UGGT2: variants seen among roughly 807,000 people sequenced by gnomAD.
The protein encoded by UGGT2 is UDP-glucose glycoprotein glucosyltransferase 2.
UGGT2 carries 180 observed loss-of-function variants against 192.1 expected under a neutral mutation model. The observed-to-expected ratio is 0.94, with a 90% CI of 0.83 to 1.06. The LOEUF is 1.06. Among genes scored for constraint, UGGT2 ranks in the 50% least tolerant of loss-of-function variants. The pLI, the probability that UGGT2 is intolerant of heterozygous loss-of-function variation, is 0.00. For synonymous variants in UGGT2, 580 were observed against 591.0 expected (o/e 0.98, Z 0.27); for missense variants, 1,849 against 1,795.7 (o/e 1.03, Z -0.54).
chr13:95,856,189 A>G lies in UGGT2; in HGVS notation c.3977T>C (p.Val1326Ala). ...LFLDVLFPLA[V>A]DKIIFVDADQ... ...AGCATCAACAAAAATGATTTTGTCC[A>G]CTGCTAGTGGGAAAAGAACATCAAG... Residue 1326 changes from valine (V) to alanine (A), a missense_variant, in exon 34 of 39, where the codon GTG (valine) becomes GCG (alanine). Coordinates refer to ENST00000376747, the MANE Select transcript of UGGT2 (RefSeq NM_020121.4). The G allele has an allele frequency of 6.2e-7, 1 of 1,612,194 alleles. No individual in the cohort carries two copies. The highest frequency in any genetic ancestry group is 8.5e-7 in the Non-Finnish European group (1 of 1,179,486).
chr13:95,809,680 G>T, intron 38 of UGGT2: 1 of 170,222 alleles, frequency 5.9e-6, no homozygotes. Context: ...AGCACACTGA[G>T]AGAGACCCTT....
intron 13 of UGGT2, among the ~76,000 whole-genome samples, 182 bp from the exon 14 acceptor site, chr13:95,948,263 T>C (rs2049946592): frequency 7.9e-6 from 1 of 126,288 alleles, no homozygotes; most frequent in African/African-American, 2.7e-5. Flanking sequence ...ATATAAAGGA[T>C]TTCACAATTT....
Position 96,022,783 on chromosome 13 carries a change from A to G in UGGT2, c.485+257T>C, listed in dbSNP as rs1422082816. The stretch of plus-strand genomic sequence containing the variant: ...ATAGGCCAAATAAACTCAGTTTTGC[A>G]TGTTTATTTCAAAAAACAAGTTATG... On this transcript the variant is annotated intron_variant, in intron 4 of 38. Coordinates refer to ENST00000376747, the MANE Select transcript of UGGT2 (RefSeq NM_020121.4). Among the ~76,000 whole-genome samples, 3 of 151,942 alleles carry G rather than the reference A, an allele frequency of 2.0e-5. No individual in the cohort carries two copies. In the East Asian group the frequency reaches 5.8e-4, roughly 29 times the overall value.
In UGGT2 at chr13:95,854,345, G is replaced by A. The variant is rs1170310027; in HGVS notation, c.4139C>T (p.Ser1380Leu). 6.2e-7 allele frequency: 1 copy of A among 1,613,080 alleles called. No individual in the cohort carries two copies. Among genetic ancestry groups the A allele is most frequent in the Non-Finnish European group, 8.5e-7 (1 of 1,179,612 alleles). The part of the protein sequence containing the change: ...YRFWKTGYWA[S>L]HLLRRKYHIS... ...ATGGTATTTCCGTCTTAAAAGATGT[G>A]ATGCCCAGTATCCTGTTTTCCAGAA... The change falls in exon 35 of 39, where the codon TCA becomes TTA. Residue 1380 changes from serine to leucine, a missense_variant. Coordinates refer to ENST00000376747, the MANE Select transcript of UGGT2 (RefSeq NM_020121.4).
chr13:95,881,792 T>A (rs911260298), intron 27 of UGGT2, among the ~76,000 whole-genome samples: 2 of 152,224 alleles, frequency 1.3e-5, no homozygotes, highest in Admixed American at 1.3e-4. Flanking sequence ...TATTTTGACA[T>A]CTTTCATATA....
intron 33 of UGGT2, among the ~76,000 whole-genome samples, chr13:95,857,649 C>G (rs575159184): frequency 1.5e-4 from 23 of 152,152 alleles, no homozygotes; most frequent in South Asian, 1.2e-3. Flanking sequence ...AAATCCAAAG[C>G]TAAATTTCAT....
intron 17 of UGGT2, among the ~76,000 whole-genome samples, chr13:95,932,296 TC>T (rs1428353627): frequency 9.5e-5 from 14 of 147,444 alleles, no homozygotes; most frequent in African/African-American, 3.0e-4. Context: ...TTAGCTGTAT[TC>T]CTAGGTATTT....
rs748724250 is a variant in UGGT2, at chr13:96,053,323, G to C, written c.-11C>G. The C allele has an allele frequency of 5.6e-5, 89 of 1,580,992 alleles. No homozygotes were observed. The highest frequency in any genetic ancestry group is 7.5e-5 in the Non-Finnish European group (88 of 1,172,970). On this transcript the variant is annotated 5_prime_UTR_variant, in exon 1 of 39. Transcript: ENST00000376747. ...TTTCGCTGGCGCCATGGCACGGAGAGAAAAGCGCGAGTCCCTCGGACCCGG... is the reference window on the plus strand; with the variant it reads ...TTTCGCTGGCGCCATGGCACGGAGACAAAAGCGCGAGTCCCTCGGACCCGG...
At chr13:96,036,414 G>A (rs1170696410) in intron 1 of UGGT2, among the ~76,000 whole-genome samples, 1 of 152,126 alleles carries the variant, frequency 6.6e-6, no homozygotes, top group Non-Finnish European at 1.5e-5. Context: ...AAGGTGCAAG[G>A]GGACGGAGAG....
chr13:95,812,478 T>C (rs1406620799), intron 38 of UGGT2, among the ~76,000 whole-genome samples: 1 of 152,138 alleles, frequency 6.6e-6, no homozygotes, highest in Non-Finnish European at 1.5e-5. Context: ...AAAAATACAC[T>C]ATGCAAACAT....
In UGGT2 at chr13:96,053,396, G is replaced by A. The variant is rs944121457; in HGVS notation, c.-84C>T. ...CGCTTCGGCCGGCTCTTCCCGCTGCGCGGCTGCCCACTTCCGGTGGGAGGA... is the reference window on the plus strand; with the variant it reads ...CGCTTCGGCCGGCTCTTCCCGCTGCACGGCTGCCCACTTCCGGTGGGAGGA... On this transcript the variant is annotated 5_prime_UTR_variant, in exon 1 of 39. Transcript: ENST00000376747. 6 of 1,505,356 alleles carry A rather than the reference G, an allele frequency of 4.0e-6. No homozygotes were observed. Among genetic ancestry groups the A allele is most frequent in the Non-Finnish European group, 4.4e-6 (5 of 1,135,296 alleles). 93.2% of individuals were successfully genotyped at this position (1,505,356 alleles called of 1,614,324 possible). A position where few individuals can be genotyped will look rare whatever the true frequency, so the allele number is the denominator to read the frequency against.
intron 5 of UGGT2, among the ~76,000 whole-genome samples, chr13:96,012,994 T>TATC (rs10659887): frequency 0.97 from 147,704 of 152,060 alleles, 71,887 homozygotes; most frequent in East Asian, 1. Context: ...CTGTATATAT[T>TATC]AGTATGTTGA....
chr13:95,844,824 T>C (rs575528433), intron 36 of UGGT2, among the ~76,000 whole-genome samples: 1 of 152,208 alleles, frequency 6.6e-6, no homozygotes, highest in Non-Finnish European at 1.5e-5. Flanking sequence ...TCCAGTACAA[T>C]ACTGAATAGG....
In UGGT2 at chr13:95,890,908, A is replaced by G. The variant is rs1382105511; in HGVS notation, c.2912T>C (p.Val971Ala). 2 of 1,613,074 alleles carry G rather than the reference A, an allele frequency of 1.2e-6. No homozygotes were observed. Among genetic ancestry groups the G allele is most frequent in the East Asian group, 2.2e-5 (1 of 44,748 alleles). The part of the protein sequence containing the change: ...NDMFFNVIAI[V>A]DPLTREAQKM... Reference sequence around the variant, plus strand: ...CTGTGCTTCTCTTGTTAATGGATCAACAATAGCAATGACATTGAAGAACAT... The same window carrying G: ...CTGTGCTTCTCTTGTTAATGGATCAGCAATAGCAATGACATTGAAGAACAT... The change falls in exon 25 of 39, where the codon GTT becomes GCT. Residue 971 changes from valine to alanine, a missense_variant. Val to Ala is a moderately conservative substitution (Grantham distance 64). Coordinates refer to ENST00000376747, the MANE Select transcript of UGGT2 (RefSeq NM_020121.4).
chr13:96,024,096 T>A (rs183573865), intron 2 of UGGT2, among the ~76,000 whole-genome samples: 1 of 152,272 alleles, frequency 6.6e-6, no homozygotes, highest in East Asian at 1.9e-4. Context: ...AGGTAGAAAT[T>A]AAGAACAGCA....
chr13:95,999,461 C>T (rs987451128), intron 5 of UGGT2, among the ~76,000 whole-genome samples, 154 bp from the exon 6 acceptor site: 2 of 152,128 alleles, frequency 1.3e-5, no homozygotes, highest in African/African-American at 4.8e-5. Flanking sequence ...TTTATATTGT[C>T]TCTAGTCTAT....
chr13:95,866,849 T>G (rs1427879029), intron 30 of UGGT2, among the ~76,000 whole-genome samples: 3 of 151,246 alleles, frequency 2.0e-5, no homozygotes, highest in Non-Finnish European at 2.9e-5. Context: ...GTTTTGGGTT[T>G]CCTTATTATC....
intron 15 of UGGT2, among the ~76,000 whole-genome samples, chr13:95,946,030 T>C (rs1395746161): frequency 6.7e-6 from 1 of 149,546 alleles, no homozygotes; most frequent in African/African-American, 2.4e-5. Context: ...GAAAAAAAAC[T>C]TCTATTTTAT....
rs2049608983 is a variant in UGGT2 at position 95,939,943 on chromosome 13, A to G, written c.1812+14T>C. The G allele has an allele frequency of 2.5e-6, 4 of 1,586,134 alleles. No homozygotes were observed. The highest frequency in any genetic ancestry group is 2.3e-5 in the East Asian group (1 of 43,386). ...TGCCTGGCCTACTCCACTTAACATA[A>G]TGTCCCAACTTACCTTTCTTTCTTC... is the stretch of plus-strand genomic sequence containing the variant. On this transcript the variant is annotated intron_variant, in intron 16 of 38. Transcript: ENST00000376747.
Sources: gnomAD v4.1 joint callset for allele counts (sites outside exome capture counted in the v4.1 genomes callset) on GRCh38, gnomAD v4.1.1 for gene constraint, MANE v1.5 for transcripts, NCBI Gene and HGNC (gene_info 2026-07-23, HGNC 2026-07-21) for gene names.